The following POLR1C variants were observed in gnomAD, a reference collection of about 807,000 sequenced individuals.
POLR1C encodes the protein DNA-directed RNA polymerases I and III subunit RPAC1.
A neutral mutation model predicts 38.3 loss-of-function variants in POLR1C; 42 were observed. The ratio of observed to expected loss-of-function variants is 1.10; its 90% CI spans 0.86 to 1.42. The LOEUF is 1.42. Among genes scored for constraint, POLR1C ranks in the 40% most tolerant of loss-of-function variants. The pLI, the probability that POLR1C is intolerant of heterozygous loss-of-function variation, is 0.00. For synonymous variants in POLR1C, 163 were observed against 163.9 expected (o/e 0.99, Z 0.04); for missense variants, 507 against 450.5 (o/e 1.13, Z -1.14).
At chr6:43,525,974 T>C (rs1206284030), downstream of POLR1C, 11 of 1,598,650 alleles carry the variant, frequency 6.9e-6, no homozygotes, top group Non-Finnish European at 9.4e-6. Flanking sequence ...CAGAGAAGAA[T>C]ATCTTGTTCT....
chr6:43,534,121 T>C, downstream of POLR1C: 1 of 702,950 alleles, frequency 1.4e-6, no homozygotes, highest in Non-Finnish European at 2.3e-6. Flanking sequence ...CATCAACTCC[T>C]GGCAGGGGAA....
chr6:43,527,507 C>G, intron 8 of POLR1C: 1 of 876,978 alleles, frequency 1.1e-6, no homozygotes, highest in Non-Finnish European at 1.8e-6. Flanking sequence ...CTTTTGACCT[C>G]GCAATCCACC....
At chr6:43,532,798 T>C (rs924590365), downstream of POLR1C, among the ~76,000 whole-genome samples, 2 of 152,220 alleles carry the variant, frequency 1.3e-5, no homozygotes, top group African/African-American at 4.8e-5. Flanking sequence ...TGCACAGTTA[T>C]TTTCATGCTT....
At chr6:43,558,724 T>C in intron 10 of POLR1C, 1 of 639,798 alleles carries the variant, frequency 1.6e-6, no homozygotes, top group South Asian at 2.3e-5. Context: ...ATGGTAAATA[T>C]CCACTTCAGT....
intron 10 of POLR1C, among the ~76,000 whole-genome samples, chr6:43,552,065 A>G (rs1337900970): frequency 6.6e-6 from 1 of 152,168 alleles, no homozygotes; most frequent in Admixed American, 6.5e-5. Context: ...AATGTTTTTC[A>G]TATTTATCAG....
At chr6:43,549,952 A>G (rs1202888185) in intron 9 of POLR1C, 1 of 1,611,140 alleles carries the variant, frequency 6.2e-7, no homozygotes, top group Non-Finnish European at 8.5e-7. Context: ...AGAGGAGGAA[A>G]AAAGGTCACT....
intron 9 of POLR1C, among the ~76,000 whole-genome samples, chr6:43,541,418 A>T (rs933153879): frequency 1.2e-4 from 19 of 152,350 alleles, no homozygotes; most frequent in African/African-American, 4.6e-4. Context: ...AAACTTTAAA[A>T]AACTAACAAA....
At chr6:43,553,627 A>G in intron 10 of POLR1C, 1 of 1,438,862 alleles carries the variant, frequency 6.9e-7, no homozygotes, top group Non-Finnish European at 9.1e-7. Context: ...TTCATGATTG[A>G]AGGAGCAGGG....
rs575651392 is a variant in POLR1C at position 43,535,833 on chromosome 6, T to C, written c.*4+6474T>C. On this transcript the variant is annotated intron_variant, in intron 9 of 10. Coordinates refer to the POLR1C transcript ENST00000607635. The stretch of plus-strand genomic sequence containing the variant: ...CATCTCAAAAAAAAAAAAAAAAAAG[T>C]CATTCTAGGCCGGGCGCAGTGGCTC... Among the ~76,000 whole-genome samples, 19 of 117,830 alleles carry C rather than the reference T, an allele frequency of 1.6e-4. No individual in the cohort carries two copies. In the South Asian group the frequency reaches 4.9e-3, roughly 31 times the overall value. 77.3% of individuals were successfully genotyped at this position (117,830 alleles called of 152,430 possible).
rs140163521 is a variant in POLR1C at position 43,547,359 on chromosome 6, T to A, written c.*5-3609T>A. 0.013 allele frequency: 7,482 copies of A among 561,868 alleles called. 88 individuals carry two copies. Among genetic ancestry groups the A allele is most frequent in the Non-Finnish European group, 0.019 (5,799 of 308,566 alleles). The allele number at this position is 561,868 out of a possible 1,614,324, so 34.8% of individuals were successfully genotyped here. A position where few individuals can be genotyped will look rare whatever the true frequency, so the allele number is the denominator to read the frequency against. On this transcript the variant is annotated intron_variant, in intron 9 of 10. Transcript: ENST00000607635. Reference sequence around the variant, plus strand: ...ACCTACTTCCTCATTACACCTTCAGTCTTCAGAGCTATTTAGAGATCCTTA... The same window carrying A: ...ACCTACTTCCTCATTACACCTTCAGACTTCAGAGCTATTTAGAGATCCTTA...
chr6:43,524,316 C>T (rs1793398293), downstream of POLR1C, among the ~76,000 whole-genome samples: 1 of 149,188 alleles, frequency 6.7e-6, no homozygotes, highest in Non-Finnish European at 1.5e-5. Flanking sequence ...CGTACCACTG[C>T]ACTCCAGCCT....
downstream of POLR1C, among the ~76,000 whole-genome samples, chr6:43,521,832 A>C (rs114050171): frequency 6.6e-6 from 1 of 151,346 alleles, no homozygotes; most frequent in Non-Finnish European, 1.5e-5. Flanking sequence ...CGCGAAAAAC[A>C]GGGGGCCTCA....
downstream of POLR1C, among the ~76,000 whole-genome samples, chr6:43,531,995 T>C (rs147566598): frequency 4.9e-3 from 744 of 152,250 alleles, 5 homozygotes; most frequent in African/African-American, 0.016. Flanking sequence ...CCTTAAAATA[T>C]CTATATTTTT....
intron 10 of POLR1C, chr6:43,560,305 T>TA: frequency 6.3e-7 from 1 of 1,587,672 alleles, no homozygotes; most frequent in Non-Finnish European, 8.5e-7. Flanking sequence ...GCGTAGAAAC[T>TA]AAAGAGAAAA....
At chr6:43,549,402 TTTTC>T (rs1224273047) in intron 9 of POLR1C, 14 of 1,339,524 alleles carry the variant, frequency 1.0e-5, no homozygotes, top group African/African-American at 1.5e-5. Context: ...GTTTCTAGTT[TTTTC>T]TTTATGTGAG....
chr6:43,543,946 G>A (rs1372112972), intron 9 of POLR1C, among the ~76,000 whole-genome samples: 2 of 152,068 alleles, frequency 1.3e-5, no homozygotes, highest in Non-Finnish European at 2.9e-5. Context: ...CACAGTGCTG[G>A]GATTATAGGC....
intron 6 of POLR1C, 53 bp downstream of exon 6, chr6:43,520,480 G>A: frequency 1.9e-6 from 3 of 1,608,738 alleles, no homozygotes; most frequent in Non-Finnish European, 2.5e-6. Context: ...TTGCAGTGGG[G>A]CAAGCTGACT....
At chr6:43,561,885 G>A (rs971830986) in exon 11 of POLR1C, 1 of 164,174 alleles carries the variant, frequency 6.1e-6, no homozygotes, top group Non-Finnish European at 1.3e-5. Context: ...CCCTTAGATT[G>A]GGAAAAGAGT....
intron 8 of POLR1C, chr6:43,527,723 T>C (rs1334682726): frequency 2.5e-6 from 4 of 1,613,856 alleles, no homozygotes; most frequent in Non-Finnish European, 3.4e-6. Context: ...TGCAGCCTCA[T>C]CTTCTCCACT....
Sources: allele counts gnomAD v4.1 joint callset (sites outside exome capture counted in the v4.1 genomes callset), GRCh38; gene constraint gnomAD v4.1.1; transcripts MANE v1.5; gene names NCBI Gene and HGNC (gene_info 2026-07-23, HGNC 2026-07-21).